The following RBFOX2 variants were observed in gnomAD, a reference collection of about 807,000 sequenced individuals.
RBFOX2 encodes RNA binding protein fox-1 homolog 2.
A neutral mutation model predicts 49.1 loss-of-function variants in RBFOX2; 10 were observed. The observed-to-expected ratio is 0.20, with a 90% CI of 0.13 to 0.35. The LOEUF is 0.35. RBFOX2 is among the 10% of genes least tolerant of loss of function. RBFOX2 has a pLI of 1.00. For missense variants in RBFOX2, 323 were observed against 486.9 expected (o/e 0.66, Z 3.17); for synonymous variants, 183 against 187.4 (o/e 0.98, Z 0.19).
chr22:35,954,189 T>C (rs1371575518), intron 1 of RBFOX2, among the ~76,000 whole-genome samples: 2 of 152,130 alleles, frequency 1.3e-5, no homozygotes, highest in Non-Finnish European at 2.9e-5. Flanking sequence ...GGAGGTTTCT[T>C]ATCTGTATTT....
intron 6 of RBFOX2, among the ~76,000 whole-genome samples, chr22:35,763,757 CTAA>C (rs888722925): frequency 6.6e-6 from 1 of 152,086 alleles, no homozygotes; most frequent in Non-Finnish European, 1.5e-5. Context: ...GTCTCATTTC[CTAA>C]TAATAAGCTG....
rs536608554 is a variant in RBFOX2, at chr22:35,980,044, C to T, written c.187-41147G>A. ...TTACTTATAAACTAGTAAAGGGTTA[C>T]TGGCGCTATGGTTTGCCTTTACTTG... On this transcript the variant is annotated intron_variant, in intron 1 of 13. Coordinates refer to the RBFOX2 transcript ENST00000438146. Among the ~76,000 whole-genome samples, 6 of 152,298 alleles carry T rather than the reference C, an allele frequency of 3.9e-5. No individual in the cohort carries two copies. The South Asian group carries it at 8.3e-4, about 21-fold the overall frequency.
intron 1 of RBFOX2, among the ~76,000 whole-genome samples, chr22:36,022,659 T>C (rs1393092150): frequency 6.6e-6 from 1 of 152,204 alleles, no homozygotes; most frequent in Non-Finnish European, 1.5e-5. Context: ...AAATTTCGTA[T>C]GTTGAAGCCC....
At chr22:36,016,837 T>C (rs1361622148) in intron 1 of RBFOX2, among the ~76,000 whole-genome samples, 3 of 152,244 alleles carry the variant, frequency 2.0e-5, no homozygotes, top group African/African-American at 7.2e-5. Flanking sequence ...CAGAAATTTC[T>C]AGATGCCACG....
intron 1 of RBFOX2, among the ~76,000 whole-genome samples, chr22:36,010,832 C>T (rs1207227912): frequency 6.6e-6 from 1 of 151,994 alleles, no homozygotes; most frequent in Admixed American, 6.6e-5. Flanking sequence ...CCCATCAAGT[C>T]TCAGTTACGG....
intron 1 of RBFOX2, among the ~76,000 whole-genome samples, chr22:35,914,868 A>C (rs531123831): frequency 1.3e-5 from 2 of 152,348 alleles, no homozygotes; most frequent in East Asian, 3.9e-4. Context: ...AAAAACTGTT[A>C]ACTTCTGACC....
intron 1 of RBFOX2, among the ~76,000 whole-genome samples, chr22:35,813,430 T>C (rs1001037009): frequency 2.0e-5 from 3 of 152,252 alleles, no homozygotes; most frequent in African/African-American, 7.2e-5. Context: ...GAGGCTAAGC[T>C]GCTTAAGTAT....
At chr22:35,827,891 G>A (rs945606882) in intron 1 of RBFOX2, among the ~76,000 whole-genome samples, 2 of 152,172 alleles carry the variant, frequency 1.3e-5, no homozygotes, top group Non-Finnish European at 2.9e-5. Context: ...TTAAGGCCAG[G>A]CGCAGTGGCT....
upstream of RBFOX2, among the ~76,000 whole-genome samples, chr22:35,964,470 T>C (rs1351019245): frequency 6.6e-6 from 1 of 152,218 alleles, no homozygotes. Flanking sequence ...AGAAATTACA[T>C]GCTGAAATGA....
At chr22:35,782,792 A>G (rs893164142) in intron 2 of RBFOX2, among the ~76,000 whole-genome samples, 7 of 152,244 alleles carry the variant, frequency 4.6e-5, no homozygotes, top group African/African-American at 1.7e-4. Flanking sequence ...TAATTAGCAT[A>G]AAAATGCAAG....
intron 1 of RBFOX2, among the ~76,000 whole-genome samples, chr22:35,930,943 A>G (rs1390424146): frequency 6.6e-6 from 1 of 152,266 alleles, no homozygotes; most frequent in African/African-American, 2.4e-5. Context: ...TAAGCATATT[A>G]CTTAGCATGG....
At chr22:35,832,122 A>C (rs1956920074) in intron 1 of RBFOX2, among the ~76,000 whole-genome samples, 1 of 152,256 alleles carries the variant, frequency 6.6e-6, no homozygotes, top group Admixed American at 6.5e-5. Context: ...CAGTAATCCC[A>C]GCACTTTGGG....
chr22:35,836,053 G>A (rs1019226820), intron 1 of RBFOX2, among the ~76,000 whole-genome samples: 4 of 151,992 alleles, frequency 2.6e-5, no homozygotes, highest in African/African-American at 9.7e-5. Context: ...TGGAAAGTGT[G>A]CCAAAACAAA....
At position 35,913,477 on chromosome 22, in the gene RBFOX2, TTGTGTG is replaced by T. The variant is rs61402464; in HGVS notation, c.-34+25364_-34+25369del. 1.9e-3 allele frequency among the ~76,000 whole-genome samples: 266 copies of T among 143,496 alleles called. 1 individual carries two copies. The highest frequency in any genetic ancestry group is 2.7e-3 in the Non-Finnish European group (177 of 65,092). The allele number at this position is 143,496 out of a possible 152,430, so 94.1% of individuals were successfully genotyped here. ...GGATATATATATCCTGTTATTTCTA[TTGTGTG>T]TGTGTGTGTGTGTGTGTGTGTGTAT... On this transcript the variant is annotated intron_variant, in intron 1 of 13. Coordinates refer to the RBFOX2 transcript ENST00000359369.
intron 1 of RBFOX2, among the ~76,000 whole-genome samples, chr22:36,013,988 A>G (rs1180086731): frequency 1.3e-5 from 2 of 152,152 alleles, no homozygotes; most frequent in Admixed American, 6.5e-5. Context: ...ATAGTTCAGC[A>G]TCACAACGTC....
intron 8 of RBFOX2, among the ~76,000 whole-genome samples, chr22:35,760,607 ACTC>A (rs1326441192): frequency 3.9e-5 from 6 of 152,030 alleles, no homozygotes; most frequent in South Asian, 4.1e-4. Context: ...GAGGGAAACA[ACTC>A]CTACCCTGTC....
intron 1 of RBFOX2, among the ~76,000 whole-genome samples, chr22:35,932,937 A>G (rs776096511): frequency 6.6e-6 from 1 of 152,226 alleles, no homozygotes; most frequent in East Asian, 1.9e-4. Flanking sequence ...TTAGATCATA[A>G]GTTATTTTAA....
chr22:35,996,139 T>C (rs1443555517), intron 1 of RBFOX2: 3 of 152,226 alleles, frequency 2.0e-5, no homozygotes, highest in Non-Finnish European at 2.9e-5. Flanking sequence ...GAAAAGTTTC[T>C]TCTCCCTTCT....
At chr22:35,868,869 T>C (rs1246465498) in intron 1 of RBFOX2, among the ~76,000 whole-genome samples, 1 of 152,252 alleles carries the variant, frequency 6.6e-6, no homozygotes, top group African/African-American at 2.4e-5. Context: ...CTTTAAGGTA[T>C]TGTTCCATTT....
Sources: gnomAD v4.1 joint callset for allele counts (sites outside exome capture counted in the v4.1 genomes callset) on GRCh38, gnomAD v4.1.1 for gene constraint, MANE v1.5 for transcripts, NCBI Gene and HGNC (gene_info 2026-07-23, HGNC 2026-07-21) for gene names.